RGS3: variants seen among roughly 807,000 people sequenced by gnomAD.
The protein encoded by RGS3 is regulator of G protein signaling 3.
A neutral mutation model predicts 132.6 loss-of-function variants in RGS3; 80 were observed. That is an observed-to-expected ratio of 0.60 (90% CI 0.50 to 0.73). The LOEUF (loss-of-function observed/expected upper bound fraction) is 0.73. Among genes scored for constraint, RGS3 ranks in the 30% least tolerant of loss-of-function variants. The pLI, the probability that RGS3 is intolerant of heterozygous loss-of-function variation, is 0.00. For synonymous variants in RGS3, 598 were observed against 620.6 expected (o/e 0.96, Z 0.54); for missense variants, 1,382 against 1,530.8 (o/e 0.90, Z 1.62).
chr9:113,561,953 C>T (rs1331553435), intron 19 of RGS3, among the ~76,000 whole-genome samples: 1 of 152,182 alleles, frequency 6.6e-6, no homozygotes, highest in Non-Finnish European at 1.5e-5. Context: ...GGTCCTAGCC[C>T]TGGGAGCTGC....
At chr9:113,531,746 G>A (rs937754269) in intron 18 of RGS3, among the ~76,000 whole-genome samples, 4 of 152,058 alleles carry the variant, frequency 2.6e-5, no homozygotes, top group African/African-American at 4.8e-5. Flanking sequence ...CTCCTCTCCC[G>A]AGACCTCCTG....
intron 19 of RGS3, among the ~76,000 whole-genome samples, chr9:113,550,782 A>G (rs749845131): frequency 6.6e-6 from 1 of 152,214 alleles, no homozygotes; most frequent in African/African-American, 2.4e-5. Flanking sequence ...TTTTGGGAAT[A>G]GCCTGTTCAA....
At chr9:113,594,898 G>A (rs1319373329) in intron 22 of RGS3, 21 bp from the exon 21 acceptor site, 1 of 1,613,136 alleles carries the variant, frequency 6.2e-7, no homozygotes, top group East Asian at 2.2e-5. Flanking sequence ...CCCTCACTGT[G>A]TTTCCTCCCT....
chr9:113,507,163 G>T lies in RGS3; in HGVS notation c.1086-124G>T. ...TGCATCCCTTCCTGCCCTGACACTG[G>T]GGGCTTCCCCTCTGGTGTCTGCCTC... On this transcript the variant is annotated intron_variant, in intron 12 of 24. Transcript: ENST00000350696. The surrounding 1 kb of genome is among the most constrained non-coding windows in gnomAD (Gnocchi z 5.0). 1.3e-6 allele frequency: 1 copy of T among 744,988 alleles called. No homozygotes were observed. The allele number at this position is 744,988 out of a possible 1,614,324, so 46.1% of individuals were successfully genotyped here. A position where few individuals can be genotyped will look rare whatever the true frequency, so the allele number is the denominator to read the frequency against.
At chr9:113,498,921 G>GAAAA (rs755573432) in intron 10 of RGS3, among the ~76,000 whole-genome samples, 3 of 47,384 alleles carry the variant, frequency 6.3e-5, no homozygotes, top group Admixed American at 2.3e-4. Flanking sequence ...TGTCTCAATT[G>GAAAA]AAAAAAAAAA....
chr9:113,515,494 G>A (rs927107661), intron 15 of RGS3, among the ~76,000 whole-genome samples: 28 of 151,948 alleles, frequency 1.8e-4, no homozygotes, highest in African/African-American at 6.3e-4. Flanking sequence ...AGCTGGGTGC[G>A]GTGGCAGGCG....
At chr9:113,571,989 G>A (rs1259920115) in intron 19 of RGS3, among the ~76,000 whole-genome samples, 1 of 152,164 alleles carries the variant, frequency 6.6e-6, no homozygotes. Flanking sequence ...AAATTGAGGG[G>A]CAATACGTGG....
intron 20 of RGS3, among the ~76,000 whole-genome samples, chr9:113,589,616 G>C (rs1255422904): frequency 1.3e-5 from 2 of 152,208 alleles, no homozygotes; most frequent in African/African-American, 4.8e-5. Flanking sequence ...AGGAAGCCCA[G>C]GGCCCGAGGG....
chr9:113,486,995 T>C (rs370511211), intron 7 of RGS3, among the ~76,000 whole-genome samples: 2 of 150,450 alleles, frequency 1.3e-5, no homozygotes, highest in South Asian at 4.2e-4. Flanking sequence ...GATAGAGACT[T>C]GGAGCTGAGA....
rs976509141 is a variant in RGS3, at chr9:113,565,901, GTGTGTGTGTGTGTGTC to G, written c.2038-17545_2038-17530del. 1.3e-5 allele frequency among the ~76,000 whole-genome samples: 2 copies of G among 149,666 alleles called. No homozygotes were observed. The highest frequency in any genetic ancestry group is 2.4e-5 in the African/African-American group (1 of 40,846). On this transcript the variant is annotated intron_variant, in intron 19 of 24. Coordinates refer to ENST00000350696, the Ensembl canonical transcript of RGS3. This position sits in a 1 kb window ranked among gnomAD's most constrained non-coding sequence, Gnocchi z 5.7. The stretch of plus-strand genomic sequence containing the variant: ...TGTGTGTGTGTGTGTGTGTGTGTGT[GTGTGTGTGTGTGTGTC>G]TGTCTGTCTGTCTGTCTCAGGGGCT...
upstream of RGS3, among the ~76,000 whole-genome samples, chr9:113,459,760 C>T (rs747747735): frequency 2.0e-5 from 3 of 151,790 alleles, no homozygotes; most frequent in African/African-American, 4.8e-5. Flanking sequence ...AAAAAGAGGC[C>T]GGGCTCAGTG....
In RGS3 at chr9:113,537,010, C is replaced by G; in HGVS notation, c.2037+92C>G. On this transcript the variant is annotated intron_variant, in intron 19 of 24. Transcript: ENST00000350696. This position sits in a 1 kb window ranked among gnomAD's most constrained non-coding sequence, Gnocchi z 4.3. ...GCCTCTGCATTGAGCTGGGGGCCAG[C>G]CTGAGCTTCCAACTTGGCTCTGGGC... The G allele has an allele frequency of 7.9e-7, 1 of 1,263,088 alleles. No individual in the cohort carries two copies. The highest frequency in any genetic ancestry group is 1.1e-6 in the Non-Finnish European group (1 of 903,138). The allele number at this position is 1,263,088 out of a possible 1,614,324, so 78.2% of individuals were successfully genotyped here.
exon 20 of RGS3, chr9:113,584,190 G>A: frequency 6.2e-7 from 1 of 1,614,198 alleles, no homozygotes. Flanking sequence ...AGGGGGCTGA[G>A]GGTGGCCTCT....
chr9:113,551,736 G>C (rs893074916), intron 19 of RGS3, among the ~76,000 whole-genome samples: 3 of 152,190 alleles, frequency 2.0e-5, no homozygotes, highest in Admixed American at 2.0e-4. Context: ...GCAGGCACTT[G>C]TAGTACCAGT....
At chr9:113,559,919 C>A (rs1363110520) in intron 19 of RGS3, among the ~76,000 whole-genome samples, 1 of 152,204 alleles carries the variant, frequency 6.6e-6, no homozygotes, top group Non-Finnish European at 1.5e-5. Context: ...GACATCATAG[C>A]AATAACAATG....
At chr9:113,573,399 G>A (rs1402699339) in intron 19 of RGS3, among the ~76,000 whole-genome samples, 2 of 152,184 alleles carry the variant, frequency 1.3e-5, no homozygotes, top group Admixed American at 1.3e-4. Context: ...GCACCACCAT[G>A]GGCTACTGTG....
In RGS3 at chr9:113,463,206, G is replaced by A. The variant is rs879374690; in HGVS notation, c.415+1005G>A. ...GTCAGGCAGCACTTGTTCAAGAGGA[G>A]GCTCAAGAGAGTGATCCAGGATGCA... On this transcript the variant is annotated intron_variant, in intron 3 of 24. Coordinates refer to ENST00000350696, the Ensembl canonical transcript of RGS3. The surrounding 1 kb of genome is among the most constrained non-coding windows in gnomAD (Gnocchi z 4.6). Among the ~76,000 whole-genome samples the A allele has an allele frequency of 1.4e-4, 21 of 152,230 alleles. No individual in the cohort carries two copies. The highest frequency in any genetic ancestry group is 2.6e-4 in the Admixed American group (4 of 15,290).
At chr9:113,482,534 C>G (rs564207131) in intron 4 of RGS3, among the ~76,000 whole-genome samples, 1 of 152,160 alleles carries the variant, frequency 6.6e-6, no homozygotes, top group Non-Finnish European at 1.5e-5. Context: ...CACGGCACAC[C>G]GTGAGTGCCA....
intron 2 of RGS3, chr9:113,461,933 G>A: frequency 6.3e-7 from 1 of 1,592,218 alleles, no homozygotes; most frequent in South Asian, 1.1e-5. Context: ...TGAACACCAT[G>A]CTTTCTAGTT....
Sources: gnomAD v4.1 joint callset for allele counts (sites outside exome capture counted in the v4.1 genomes callset) on GRCh38, gnomAD v4.1.1 for gene constraint, Gnocchi (gnomAD v3.1) non-coding constraint, MANE v1.5 for transcripts, NCBI Gene and HGNC (gene_info 2026-07-23, HGNC 2026-07-21) for gene names.